Variants in RET observed in about 807,000 individuals in gnomAD.
RET encodes the protein ret proto-oncogene.
In RET, 19 loss-of-function variants were observed where a neutral mutation model predicts 118.3. The ratio of observed to expected loss-of-function variants is 0.16; its 90% CI spans 0.11 to 0.24. The LOEUF (loss-of-function observed/expected upper bound fraction) is 0.24, where lower values mean the gene tolerates loss of function less well. RET is among the 10% of genes least tolerant of loss of function. RET has a pLI of 1.00. For synonymous variants in RET, 597 were observed against 644.1 expected, an observed-to-expected ratio of 0.93 and a Z score of 1.11; for missense variants, 1,219 against 1,502.1, an observed-to-expected ratio of 0.81 and a Z score of 3.12.
rs548170136 is a variant in RET, at chr10:43,121,871, C to T, written c.2731-75C>T. 1.6e-4 allele frequency: 182 copies of T among 1,104,676 alleles called. 1 individual carries two copies. Among genetic ancestry groups the T allele is most frequent in the Non-Finnish European group, 2.4e-4 (171 of 716,108 alleles). The allele number at this position is 1,104,676 out of a possible 1,614,324, so 68.4% of individuals were successfully genotyped here. On this transcript the variant is annotated intron_variant, in intron 15 of 19. Coordinates refer to ENST00000355710, the MANE Select transcript of RET (RefSeq NM_020975.6). Reference sequence around the variant, plus strand: ...GGTTACTGAAAGCTCAGGGATAGGGCCTGGCCTTCTCCTTTACCCCTCCTT... The same window carrying T: ...GGTTACTGAAAGCTCAGGGATAGGGTCTGGCCTTCTCCTTTACCCCTCCTT...
Position 43,114,847 on chromosome 10 carries a change from G to A in RET, c.2136+111G>A, listed in dbSNP as rs1838035180. Reference sequence around the variant, plus strand: ...ATCCTGTGAGGGGCTGCCAACGCTGGGCAGACGAGGCCTGTGTTCTGCCCC... The same window carrying A: ...ATCCTGTGAGGGGCTGCCAACGCTGAGCAGACGAGGCCTGTGTTCTGCCCC... On this transcript the variant is annotated intron_variant, in intron 11 of 19. Coordinates refer to ENST00000355710, the MANE Select transcript of RET (RefSeq NM_020975.6). The surrounding 1 kb of genome is among the most constrained non-coding windows in gnomAD (Gnocchi z 4.6). The A allele has an allele frequency of 1.7e-6, 2 of 1,173,516 alleles. No individual in the cohort carries two copies. The highest frequency in any genetic ancestry group is 1.5e-5 in the African/African-American group (1 of 64,678). 72.7% of individuals were successfully genotyped at this position (1,173,516 alleles called of 1,614,324 possible).
chr10:43,097,585 T>C (rs1233408821), intron 1 of RET, among the ~76,000 whole-genome samples: 1 of 152,148 alleles, frequency 6.6e-6, no homozygotes, highest in Non-Finnish European at 1.5e-5. Context: ...CCTCGCCCTG[T>C]GAGGCCACTA....
intron 14 of RET, 23 bp downstream of exon 14, chr10:43,119,768 C>G (rs1371997190): frequency 1.2e-6 from 2 of 1,609,436 alleles, no homozygotes; most frequent in Non-Finnish European, 1.7e-6. Flanking sequence ...GGCTCTGCAC[C>G]CAGCCAGCCC....
chr10:43,112,914 C>T lies in RET; in HGVS notation c.1710C>T (p.Cys570=), dbSNP rs144015580. ...PSTKTCPDGH[C]DVVETQDINI... ...CCAAGACCTGCCCCGACGGCCACTGCGATGTTGTGGAGACCCAAGACATCA... is the reference window on the plus strand; with the variant it reads ...CCAAGACCTGCCCCGACGGCCACTGTGATGTTGTGGAGACCCAAGACATCA... Residue 570 remains cysteine (C), a synonymous_variant, in exon 9 of 20, where the codon TGC becomes TGT. Transcript: ENST00000355710. 3.1e-6 allele frequency: 5 copies of T among 1,614,146 alleles called. No homozygotes were observed. Among genetic ancestry groups the T allele is most frequent in the Admixed American group, 1.7e-5 (1 of 60,018 alleles).
chr10:43,097,390 G>A (rs1444852114), intron 1 of RET, among the ~76,000 whole-genome samples: 2 of 152,154 alleles, frequency 1.3e-5, no homozygotes, highest in East Asian at 3.9e-4. Context: ...AGGGCCAGAG[G>A]TGTGTGTCCC....
chr10:43,109,587 A>G (rs1837869181), intron 6 of RET, among the ~76,000 whole-genome samples: 1 of 152,030 alleles, frequency 6.6e-6, no homozygotes. Context: ...GTCCCACGTG[A>G]CTCCCTTTGT....
intron 1 of RET, among the ~76,000 whole-genome samples, chr10:43,088,047 G>A (rs1837327353): frequency 6.6e-6 from 1 of 152,082 alleles, no homozygotes; most frequent in South Asian, 2.1e-4. Context: ...TGGTTGTGGT[G>A]GTGGTGGTGG....
Position 43,119,754 on chromosome 10 carries a change from A to C in RET, c.2607+9A>C, listed in dbSNP as rs863224427. The C allele has an allele frequency of 6.2e-7, 1 of 1,612,002 alleles. No individual in the cohort carries two copies. Among genetic ancestry groups the C allele is most frequent in the East Asian group, 2.2e-5 (1 of 44,860 alleles). On this transcript the variant is annotated intron_variant, in intron 14 of 19. Coordinates refer to ENST00000355710, the MANE Select transcript of RET (RefSeq NM_020975.6). ...ATCTGGCCGAGATGAAGGTGCGTGC[A>C]TATGGCTCTGCACCCAGCCAGCCCC... is the stretch of plus-strand genomic sequence containing the variant.
Position 43,121,617 on chromosome 10 carries a change from C to T in RET, c.2731-329C>T, listed in dbSNP as rs7911921. Among the ~76,000 whole-genome samples the T allele has an allele frequency of 6.1e-3, 935 of 152,318 alleles. 12 individuals carry two copies. Among genetic ancestry groups the T allele is most frequent in the African/African-American group, 0.022 (899 of 41,564 alleles). ...TCCCAAACACATTGGCCCTCAGAAC[C>T]CCAGGGGAGATCTTGCAGGGGGAGT... On this transcript the variant is annotated intron_variant, in intron 15 of 19. Coordinates refer to ENST00000355710, the MANE Select transcript of RET (RefSeq NM_020975.6).
At chr10:43,077,542 TGGGCGGGTCTC>T (rs1837075615) in intron 1 of RET, among the ~76,000 whole-genome samples, 2 of 144,126 alleles carry the variant, frequency 1.4e-5, no homozygotes, top group Non-Finnish European at 3.1e-5. Context: ...GGGCCGGGGC[TGGGCGGGTCTC>T]GGGCGGGAGC....
intron 16 of RET, among the ~76,000 whole-genome samples, chr10:43,122,852 C>T (rs1175955618): frequency 1.3e-5 from 2 of 152,170 alleles, no homozygotes; most frequent in African/African-American, 4.8e-5. Flanking sequence ...TCAAATGATC[C>T]ACCCACCTCA....
At chr10:43,100,005 C>G (rs1259116127) in intron 1 of RET, among the ~76,000 whole-genome samples, 1 of 152,228 alleles carries the variant, frequency 6.6e-6, no homozygotes, top group Admixed American at 6.5e-5. Flanking sequence ...TATGTTTTCA[C>G]TTTTCTTGGA....
intron 3 of RET, 123 bp from the exon 4 acceptor site, chr10:43,104,829 G>A (rs1002112840): frequency 2.1e-6 from 3 of 1,428,672 alleles, no homozygotes; most frequent in Non-Finnish European, 2.8e-6. Context: ...GAGCGGAGGA[G>A]GGGAGGCCTG....
At chr10:43,101,354 C>T (rs1438247911) in intron 2 of RET, among the ~76,000 whole-genome samples, 2 of 152,250 alleles carry the variant, frequency 1.3e-5, no homozygotes, top group Non-Finnish European at 2.9e-5. Context: ...CTCACAACCA[C>T]CCTGAGCCCT....
chr10:43,089,842 C>T (rs1277177874), intron 1 of RET, among the ~76,000 whole-genome samples: 1 of 152,278 alleles, frequency 6.6e-6, no homozygotes, highest in African/African-American at 2.4e-5. Flanking sequence ...CAGCCTCATA[C>T]TCTTGTTATC....
chr10:43,107,559 T>TCTCA (rs1554818139), intron 5 of RET, among the ~76,000 whole-genome samples: 3 of 140,732 alleles, frequency 2.1e-5, no homozygotes, highest in South Asian at 2.4e-4. Flanking sequence ...CCCCCATGCC[T>TCTCA]CACACACACA....
At chr10:43,099,561 A>T (rs1299586555) in intron 1 of RET, among the ~76,000 whole-genome samples, 5 of 143,160 alleles carry the variant, frequency 3.5e-5, no homozygotes, top group East Asian at 4.1e-4. Flanking sequence ...AATAAATAAA[A>T]ATTACATAGA....
chr10:43,082,073 C>T (rs947592901), intron 1 of RET, among the ~76,000 whole-genome samples: 3 of 152,210 alleles, frequency 2.0e-5, no homozygotes, highest in Non-Finnish European at 4.4e-5. Context: ...TCATGGGGGC[C>T]TCAGGGACCC....
intron 6 of RET, among the ~76,000 whole-genome samples, chr10:43,110,223 A>C (rs1311196533): frequency 6.6e-6 from 1 of 152,210 alleles, no homozygotes; most frequent in Non-Finnish European, 1.5e-5. Context: ...GCCCTCTGTC[A>C]GGAGCAACGG....
Sources: gnomAD v4.1 joint callset for allele counts (sites outside exome capture counted in the v4.1 genomes callset) on GRCh38, gnomAD v4.1.1 for gene constraint, Gnocchi (gnomAD v3.1) non-coding constraint, MANE v1.5 for transcripts, NCBI Gene and HGNC (gene_info 2026-07-23, HGNC 2026-07-21) for gene names.